ATRX: variants seen among roughly 807,000 people sequenced by gnomAD.
ATRX encodes ATRX chromatin remodeler, also known as chromatin remodeler ATRX.
ATRX carries 12 observed loss-of-function variants against 172.6 expected under a neutral mutation model. That is an observed-to-expected ratio of 0.07 (90% CI 0.04 to 0.11). The LOEUF (loss-of-function observed/expected upper bound fraction) is 0.11. Among genes scored for constraint, ATRX ranks in the 10% least tolerant of loss-of-function variants. The pLI is 1.00. For missense variants in ATRX, 1,368 were observed against 1,767.4 expected, an observed-to-expected ratio of 0.77 and a Z score of 4.05; for synonymous variants, 674 against 594.7, an observed-to-expected ratio of 1.13 and a Z score of -1.94.
chrX:77,558,619 T>C (rs1557060168), intron 29 of ATRX, 50 bp downstream of exon 29: 6 of 1,045,154 alleles, frequency 5.7e-6, no homozygotes, highest in Admixed American at 4.6e-5. Flanking sequence ...TCTAAAATAT[T>C]ATCAGTTTCA....
intron 22 of ATRX, among the ~76,000 whole-genome samples, chrX:77,610,911 C>A: frequency 9.4e-6 from 1 of 106,753 alleles, no homozygotes; most frequent in African/African-American, 3.4e-5. Flanking sequence ...AGGTCACAAG[C>A]TGGATAATAT....
chrX:77,589,998 T>C (rs1210985334), intron 26 of ATRX, 58 bp from the exon 27 acceptor site: 4 of 956,922 alleles, frequency 4.2e-6, no homozygotes, highest in Non-Finnish European at 5.9e-6. Context: ...ATATCACTTC[T>C]TCCTAAATCG....
intron 22 of ATRX, among the ~76,000 whole-genome samples, chrX:77,615,594 T>C (rs2067322183): frequency 9.0e-6 from 1 of 111,540 alleles, no homozygotes; most frequent in South Asian, 3.7e-4. Flanking sequence ...TGAAAATGTG[T>C]GCTTTATTGG....
chrX:77,524,960 GT>G (rs1557043163), intron 30 of ATRX, among the ~76,000 whole-genome samples: 2 of 110,165 alleles, frequency 1.8e-5, no homozygotes, highest in East Asian at 5.7e-4. Context: ...TCCCAGGCTG[GT>G]TTCAAATTCC....
At chrX:77,651,217 C>CAAAAAAAAAAAAAAAAAAAAAAAA (rs1170232589) in intron 15 of ATRX, among the ~76,000 whole-genome samples, 1 of 16,482 alleles carries the variant, frequency 6.1e-5, no homozygotes, top group African/African-American at 2.5e-4. Flanking sequence ...AACTCCATCT[C>CAAAAAAAAAAAAAAAAAAAAAAAA]AAAAAAAAAA....
At chrX:77,659,570 C>T (rs376872544) in intron 12 of ATRX, among the ~76,000 whole-genome samples, 11 of 108,010 alleles carry the variant, frequency 1.0e-4, no homozygotes, top group African/African-American at 3.0e-4. Context: ...ATATTAAGCG[C>T]GGATGACACT....
At chrX:77,592,160 C>G (rs2066282388) in intron 26 of ATRX, among the ~76,000 whole-genome samples, 1 of 110,679 alleles carries the variant, frequency 9.0e-6, no homozygotes, top group South Asian at 3.8e-4. Flanking sequence ...ACCTGTAATC[C>G]CAGCATTTTG....
chrX:77,522,239 C>G (rs2147747254), intron 32 of ATRX, 24 bp downstream of exon 32: 2 of 1,209,866 alleles, frequency 1.7e-6, no homozygotes, highest in Non-Finnish European at 2.2e-6. Flanking sequence ...TCATGTCAAA[C>G]TACTTTTGTA....
At chrX:77,528,479 G>A (rs2063470386) in intron 30 of ATRX, among the ~76,000 whole-genome samples, 2 of 110,973 alleles carry the variant, frequency 1.8e-5, no homozygotes, top group African/African-American at 6.6e-5. Flanking sequence ...GTTGCCAGCC[G>A]CCTCCTGCAA....
At chrX:77,603,189 T>C (rs2066746622) in intron 22 of ATRX, among the ~76,000 whole-genome samples, 1 of 110,621 alleles carries the variant, frequency 9.0e-6, no homozygotes, top group Non-Finnish European at 1.9e-5. Context: ...AAAAAAGAAA[T>C]AGCCTCAACA....
At chrX:77,531,126 T>C (rs1557046235) in intron 30 of ATRX, among the ~76,000 whole-genome samples, 1 of 111,457 alleles carries the variant, frequency 9.0e-6, no homozygotes, top group Non-Finnish European at 1.9e-5. Context: ...TGTTCTGAAA[T>C]TGAGGCAGTA....
At chrX:77,519,525 G>A (rs1476335514) in intron 34 of ATRX, among the ~76,000 whole-genome samples, 3 of 110,718 alleles carry the variant, frequency 2.7e-5, no homozygotes, top group Admixed American at 9.7e-5. Context: ...GTTTAAGCCC[G>A]AGAGTTTGAG....
intron 1 of ATRX, among the ~76,000 whole-genome samples, chrX:77,780,761 TGA>T (rs2076540679): frequency 9.1e-6 from 1 of 109,502 alleles, no homozygotes; most frequent in Admixed American, 9.7e-5. Context: ...GGCAACAAAG[TGA>T]GACCACTGTT....
intron 27 of ATRX, among the ~76,000 whole-genome samples, chrX:77,577,107 C>G (rs1466246321): frequency 8.9e-6 from 1 of 111,799 alleles, no homozygotes; most frequent in Non-Finnish European, 1.9e-5. Context: ...CTCTGACACC[C>G]TGAACTCAAT....
At position 77,683,802 on chromosome X, in the gene ATRX, G is replaced by T. The variant is rs782161744; in HGVS notation, c.1454C>A (p.Thr485Lys). The T allele has an allele frequency of 8.3e-7, 1 of 1,208,422 alleles. No individual in the cohort carries two copies. Among genetic ancestry groups the T allele is most frequent in the African/African-American group, 1.7e-5 (1 of 57,180 alleles). Reference sequence around the variant, plus strand: ...ATGTTCACCACCGGTACTTTTATTTGTTCTTTGTTCCTCTGTTGGAACATT... The same window carrying T: ...ATGTTCACCACCGGTACTTTTATTTTTTCTTTGTTCCTCTGTTGGAACATT... ...HQNVPTEEQR[T>K]NKSTGGEHKK... Residue 485 changes from threonine (T) to lysine (K), a missense_variant, in exon 9 of 35, where the codon ACA (threonine) becomes AAA (lysine). Around this residue, in one of 17 missense-constraint regions of ATRX, gnomAD observed 843 missense variants for 643.1 expected, o/e 1.31. Transcript: ENST00000373344.
chrX:77,768,170 T>G (rs1761731194), intron 1 of ATRX, among the ~76,000 whole-genome samples: 1 of 112,142 alleles, frequency 8.9e-6, no homozygotes, highest in African/African-American at 3.2e-5. Flanking sequence ...CAAAGTTATT[T>G]TATTTCATCA....
In ATRX at chrX:77,684,263, T is replaced by C; in HGVS notation, c.993A>G (p.Leu331=). 8.3e-7 allele frequency: 1 copy of C among 1,209,463 alleles called. No homozygotes were observed. The highest frequency in any genetic ancestry group is 1.1e-6 in the Non-Finnish European group (1 of 893,346). Residue 331 remains leucine, a synonymous_variant, in exon 9 of 35, where the codon TTA becomes TTG. Transcript: ENST00000373344. The part of the protein sequence containing the change: ...SSNCNGEEKK[L]DDSCSGSVTY... Reference sequence around the variant, plus strand: ...TTACAGAGCCAGAACAGGAATCATCTAATTTCTTTTCTTCTCCATTACAAT... The same window carrying C: ...TTACAGAGCCAGAACAGGAATCATCCAATTTCTTTTCTTCTCCATTACAAT...
intron 1 of ATRX, among the ~76,000 whole-genome samples, chrX:77,734,115 G>A (rs1013621655): frequency 9.0e-6 from 1 of 110,523 alleles, no homozygotes; most frequent in Non-Finnish European, 1.9e-5. Context: ...GCTGAGGCAG[G>A]AGAATCGCTT....
At chrX:77,580,917 T>C (rs1338436019) in intron 27 of ATRX, among the ~76,000 whole-genome samples, 1 of 111,676 alleles carries the variant, frequency 9.0e-6, no homozygotes, top group Non-Finnish European at 1.9e-5. Flanking sequence ...GTGGACAAAG[T>C]TAAGGTGTAG....
Sources: allele counts gnomAD v4.1 joint callset (sites outside exome capture counted in the v4.1 genomes callset), GRCh38; gene constraint gnomAD v4.1.1; regional missense constraint gnomAD v4.1.1; transcripts MANE v1.5; gene names NCBI Gene and HGNC (gene_info 2026-07-23, HGNC 2026-07-21).